The following RPS6KC1 variants were observed in gnomAD, a reference collection of about 807,000 sequenced individuals.
The protein encoded by RPS6KC1 is inactive ribosomal protein S6 kinase delta-1.
Under a neutral mutation model 103.8 loss-of-function variants are expected in RPS6KC1, and 54 were observed. The observed-to-expected ratio is 0.52, with a 90% confidence interval of 0.42 to 0.65. The LOEUF (loss-of-function observed/expected upper bound fraction) is 0.65, where lower values mean the gene tolerates loss of function less well. Ranked by LOEUF, RPS6KC1 falls within the 30% of genes least tolerant of loss-of-function variation. The pLI is 0.00. For missense variants in RPS6KC1, 1,151 were observed against 1,253.8 expected (o/e 0.92, Z 1.24); for synonymous variants, 439 against 438.7 (o/e 1.00, Z -0.01).
the RPS6KC1 span, among the ~76,000 whole-genome samples, chr1:213,616,788 A>G: frequency 4.6e-5 from 7 of 152,166 alleles, no homozygotes; most frequent in African/African-American, 1.7e-4. Context: ...ACTGTAAGAA[A>G]TCTCCTGGGA....
At chr1:213,415,413 C>G in the RPS6KC1 span, among the ~76,000 whole-genome samples, 4 of 152,196 alleles carry the variant, frequency 2.6e-5, no homozygotes, top group African/African-American at 9.7e-5. Flanking sequence ...GCTCCTCATT[C>G]TTGGAGCAAA....
the RPS6KC1 span, among the ~76,000 whole-genome samples, chr1:213,642,684 T>A: frequency 6.6e-6 from 1 of 152,080 alleles, no homozygotes; most frequent in Non-Finnish European, 1.5e-5. Context: ...TTTATTGTAA[T>A]GAAGAATGTA....
chr1:213,100,273 A>G (rs1336598644), intron 3 of RPS6KC1, among the ~76,000 whole-genome samples: 1 of 151,540 alleles, frequency 6.6e-6, no homozygotes, highest in Admixed American at 6.6e-5. Context: ...TTTTTGAAGT[A>G]TCTGTTTACA....
At chr1:213,562,566 T>C in the RPS6KC1 span, among the ~76,000 whole-genome samples, 1 of 151,970 alleles carries the variant, frequency 6.6e-6, no homozygotes, top group Non-Finnish European at 1.5e-5. Flanking sequence ...ACTTTTTGTA[T>C]TTTTTAGTTG....
chr1:213,234,177 G>GA (rs1287636393), intron 10 of RPS6KC1, among the ~76,000 whole-genome samples: 1 of 151,822 alleles, frequency 6.6e-6, no homozygotes, highest in Non-Finnish European at 1.5e-5. Context: ...ATCTGGCTAA[G>GA]TTTTAAAATT....
chr1:213,215,602 G>A (rs1020918583), intron 8 of RPS6KC1, among the ~76,000 whole-genome samples: 1 of 152,138 alleles, frequency 6.6e-6, no homozygotes, highest in African/African-American at 2.4e-5. Flanking sequence ...TGACATGGAG[G>A]AAAAAATGTT....
At chr1:213,322,999 G>C in the RPS6KC1 span, among the ~76,000 whole-genome samples, 1 of 140,880 alleles carries the variant, frequency 7.1e-6, no homozygotes, top group Admixed American at 7.7e-5. Context: ...CCTAACCTCA[G>C]GTGATCCACC....
rs2085358441 is a variant in RPS6KC1, at chr1:213,129,589, G to A, written c.535G>A (p.Asp179Asn). ...TVDVDSLAELDDGMASNQNSP... is the reference protein window; with the variant it reads ...TVDVDSLAELNDGMASNQNSP... Reference sequence around the variant, plus strand: ...TGATGTGGATTCTCTTGCTGAGTTAGATGATGGAATGGCTTCCAATCAAAA... The same window carrying A: ...TGATGTGGATTCTCTTGCTGAGTTAAATGATGGAATGGCTTCCAATCAAAA... Residue 179 changes from aspartate (D) to asparagine (N), a missense_variant, in exon 6 of 15, where the codon GAT (aspartate) becomes AAT (asparagine). By Grantham distance (23) the Asp-to-Asn change is conservative. This residue lies in a region of RPS6KC1 where 959 missense variants were observed against 1,006.3 expected (regional missense o/e 0.95). Coordinates refer to ENST00000366960, the MANE Select transcript of RPS6KC1 (RefSeq NM_012424.6). 6.2e-7 allele frequency: 1 copy of A among 1,613,920 alleles called. No homozygotes were observed. The highest frequency in any genetic ancestry group is 8.5e-7 in the Non-Finnish European group (1 of 1,179,860).
chr1:213,762,702 A>G, the RPS6KC1 span, among the ~76,000 whole-genome samples: 1 of 152,180 alleles, frequency 6.6e-6, no homozygotes, highest in African/African-American at 2.4e-5. Flanking sequence ...TCATATTAAA[A>G]TATAAAATTA....
chr1:213,729,964 C>T, the RPS6KC1 span, among the ~76,000 whole-genome samples: 1 of 152,088 alleles, frequency 6.6e-6, no homozygotes, highest in Non-Finnish European at 1.5e-5. Flanking sequence ...CTGTTGTTCC[C>T]CTGTATGTTT....
At chr1:213,179,180 C>T (rs550852419) in intron 8 of RPS6KC1, among the ~76,000 whole-genome samples, 75 of 151,856 alleles carry the variant, frequency 4.9e-4, no homozygotes, top group South Asian at 1.3e-3. Context: ...TTTGGGAGGC[C>T]GAGGCGGGCA....
At chr1:213,628,476 T>C in the RPS6KC1 span, among the ~76,000 whole-genome samples, 1 of 152,206 alleles carries the variant, frequency 6.6e-6, no homozygotes, top group Admixed American at 6.6e-5. Flanking sequence ...TGTCTTTTTT[T>C]TCTTTCTTTT....
At chr1:213,206,826 T>G (rs940886073) in intron 8 of RPS6KC1, among the ~76,000 whole-genome samples, 1 of 152,154 alleles carries the variant, frequency 6.6e-6, no homozygotes, top group East Asian at 1.9e-4. Context: ...ATATAGTGCT[T>G]CTAGGGCCAG....
the RPS6KC1 span, among the ~76,000 whole-genome samples, chr1:213,393,743 T>C: frequency 1.3e-5 from 2 of 151,900 alleles, no homozygotes; most frequent in African/African-American, 2.4e-5. Context: ...AGGTAGGAAA[T>C]GGGGAATGAA....
At chr1:213,068,140 G>C (rs554878775) in intron 1 of RPS6KC1, among the ~76,000 whole-genome samples, 1 of 152,064 alleles carries the variant, frequency 6.6e-6, no homozygotes, top group African/African-American at 2.4e-5. Flanking sequence ...TTGGGGGGTG[G>C]ATTATTAGTG....
chr1:213,266,629 A>T (rs183206686), intron 14 of RPS6KC1, among the ~76,000 whole-genome samples: 1 of 152,290 alleles, frequency 6.6e-6, no homozygotes, highest in Non-Finnish European at 1.5e-5. Flanking sequence ...TGAACTGGCC[A>T]GGCATGGTGG....
chr1:213,267,993 AG>A (rs761622089), intron 14 of RPS6KC1, among the ~76,000 whole-genome samples: 1 of 151,930 alleles, frequency 6.6e-6, no homozygotes, highest in Non-Finnish European at 1.5e-5. Context: ...GAGAGGAGAA[AG>A]GGAAAGGGAC....
At chr1:213,471,996 G>A in the RPS6KC1 span, among the ~76,000 whole-genome samples, 5 of 152,146 alleles carry the variant, frequency 3.3e-5, no homozygotes, top group Non-Finnish European at 5.9e-5. Context: ...TCAACAGGGT[G>A]TCATTTCCCC....
At chr1:213,608,911 G>T in the RPS6KC1 span, among the ~76,000 whole-genome samples, 11,649 of 152,096 alleles carry the variant, frequency 0.077, 629 homozygotes, top group East Asian at 0.18. Context: ...ACTATTTCTT[G>T]GTTGTTTAGC....
Sources: allele counts gnomAD v4.1 joint callset (sites outside exome capture counted in the v4.1 genomes callset), GRCh38; gene constraint gnomAD v4.1.1; regional missense constraint gnomAD v4.1.1; transcripts MANE v1.5; gene names NCBI Gene and HGNC (gene_info 2026-07-23, HGNC 2026-07-21).